The following HERPUD2 variants were observed in gnomAD, a reference collection of about 807,000 sequenced individuals.
The protein encoded by HERPUD2 is HERPUD family member 2.
A neutral mutation model predicts 49.9 loss-of-function variants in HERPUD2; 13 were observed. That is an observed-to-expected ratio of 0.26 (90% CI 0.17 to 0.41). The LOEUF is 0.41. HERPUD2 is among the 10% of genes least tolerant of loss of function. The pLI, the probability that HERPUD2 is intolerant of heterozygous loss-of-function variation, is 1.00. For synonymous variants in HERPUD2, 172 were observed against 171.4 expected, an observed-to-expected ratio of 1.00 and a Z score of -0.03; for missense variants, 449 against 492.2, an observed-to-expected ratio of 0.91 and a Z score of 0.83.
chr7:35,687,458 C>T (rs1786087888), intron 2 of HERPUD2, among the ~76,000 whole-genome samples: 1 of 152,212 alleles, frequency 6.6e-6, no homozygotes. Context: ...AGTGCAGAAT[C>T]AGCCAAATAA....
chr7:35,656,241 A>G (rs1785272582), intron 5 of HERPUD2, among the ~76,000 whole-genome samples: 1 of 152,110 alleles, frequency 6.6e-6, no homozygotes, highest in Admixed American at 6.6e-5. Context: ...AAAAAAATAC[A>G]ATAAAATACT....
chr7:35,645,335 T>G (rs10269107), intron 5 of HERPUD2, among the ~76,000 whole-genome samples: 46,628 of 152,076 alleles, frequency 0.31, 7,999 homozygotes, highest in Non-Finnish European at 0.38. Context: ...TAGTCATAGA[T>G]ACTCGGGAGG....
chr7:35,648,965 T>C (rs1281595348), intron 5 of HERPUD2, among the ~76,000 whole-genome samples: 1 of 152,138 alleles, frequency 6.6e-6, no homozygotes, highest in Non-Finnish European at 1.5e-5. Context: ...ATGTTGTGGA[T>C]TTATGGCCGG....
intron 5 of HERPUD2, among the ~76,000 whole-genome samples, chr7:35,642,330 G>C (rs1309946676): frequency 2.0e-5 from 3 of 152,214 alleles, no homozygotes; most frequent in African/African-American, 7.2e-5. Flanking sequence ...CAAGGTTGCA[G>C]AGAAAAGTGA....
At chr7:35,655,018 C>A (rs1343022451) in intron 5 of HERPUD2, among the ~76,000 whole-genome samples, 1 of 152,144 alleles carries the variant, frequency 6.6e-6, no homozygotes, top group Non-Finnish European at 1.5e-5. Context: ...CGACGCCCAG[C>A]TAATTTTTGC....
In HERPUD2 at chr7:35,686,729, A is replaced by C. The variant is rs1476048002; in HGVS notation, c.147+7455T>G. ...ACGACACTCCGTCTCAAAAAAAAAA[A>C]AAAAAAAAAAAAAAAACCAAACCCA... On this transcript the variant is annotated intron_variant, in intron 2 of 8. Coordinates refer to ENST00000311350, the MANE Select transcript of HERPUD2 (RefSeq NM_022373.5). Among the ~76,000 whole-genome samples, 3 of 104,606 alleles carry C rather than the reference A, an allele frequency of 2.9e-5. No individual in the cohort carries two copies. The East Asian group carries it at 1.1e-3, about 37-fold the overall frequency. 68.6% of individuals were successfully genotyped at this position (104,606 alleles called of 152,430 possible).
At chr7:35,649,815 A>T (rs1004907246) in intron 5 of HERPUD2, among the ~76,000 whole-genome samples, 8 of 152,208 alleles carry the variant, frequency 5.3e-5, no homozygotes, top group African/African-American at 1.9e-4. Flanking sequence ...AGTATTTCTT[A>T]TCAGACTTAA....
At chr7:35,680,341 C>T (rs183656611) in intron 2 of HERPUD2, among the ~76,000 whole-genome samples, 6 of 152,006 alleles carry the variant, frequency 3.9e-5, no homozygotes, top group East Asian at 1.9e-4. Flanking sequence ...CCCAGGAGTT[C>T]GAGGCTGCAG....
intron 5 of HERPUD2, among the ~76,000 whole-genome samples, chr7:35,652,498 C>T (rs1785187696): frequency 2.0e-5 from 3 of 152,084 alleles, no homozygotes; most frequent in African/African-American, 7.2e-5. Context: ...GCTTAGAACC[C>T]CCAGCAGACT....
chr7:35,657,459 C>CA (rs1785298799), intron 5 of HERPUD2, among the ~76,000 whole-genome samples: 1 of 151,782 alleles, frequency 6.6e-6, no homozygotes, highest in East Asian at 1.9e-4. Context: ...GGAGATTTCT[C>CA]AAAAAACTAA....
chr7:35,691,813 G>A (rs746550078), intron 2 of HERPUD2, among the ~76,000 whole-genome samples: 1 of 152,144 alleles, frequency 6.6e-6, no homozygotes, highest in Non-Finnish European at 1.5e-5. Context: ...CTATGCTGAG[G>A]ACTACCTATG....
At chr7:35,650,909 AG>A (rs985692788) in intron 5 of HERPUD2, among the ~76,000 whole-genome samples, 10 of 152,182 alleles carry the variant, frequency 6.6e-5, no homozygotes, top group Non-Finnish European at 1.3e-4. Context: ...AGATCAAGCC[AG>A]CCTGGCCCAG....
intron 5 of HERPUD2, among the ~76,000 whole-genome samples, chr7:35,658,972 T>C (rs1188427465): frequency 6.6e-6 from 1 of 152,220 alleles, no homozygotes; most frequent in Non-Finnish European, 1.5e-5. Context: ...AAACTAGTGA[T>C]TCAAAACCTC....
rs747326989 is a variant in HERPUD2 at position 35,638,437 on chromosome 7, G to A, written c.530C>T (p.Pro177Leu). ...VDNQFPGQAA[P>L]PGFPVYPAFS... ...CGCGGGATACACTGGGAATCCAGGT[G>A]GAGCAGCTTGCCCAGGAAATTGGTT... Residue 177 changes from proline (P) to leucine (L), a missense_variant, in exon 6 of 9, where the codon CCA becomes CTA. By Grantham distance (98) the Pro-to-Leu change is moderately conservative. Transcript: ENST00000311350. The A allele has an allele frequency of 3.7e-6, 6 of 1,613,546 alleles. No individual in the cohort carries two copies. In the South Asian group the frequency reaches 6.6e-5, roughly 18 times the overall value.
chr7:35,646,541 G>A (rs1263067176), intron 5 of HERPUD2, among the ~76,000 whole-genome samples: 3 of 152,066 alleles, frequency 2.0e-5, no homozygotes, highest in East Asian at 1.9e-4. Context: ...CAGCCTCATC[G>A]ACAGAGTGAG....
At chr7:35,636,790 T>C (rs934697712) in intron 6 of HERPUD2, among the ~76,000 whole-genome samples, 4 of 152,130 alleles carry the variant, frequency 2.6e-5, no homozygotes, top group African/African-American at 9.7e-5. Flanking sequence ...TCAGTGGATA[T>C]CTGGGTGGCT....
At chr7:35,643,959 T>C (rs1048106270) in intron 5 of HERPUD2, among the ~76,000 whole-genome samples, 2 of 151,940 alleles carry the variant, frequency 1.3e-5, no homozygotes, top group East Asian at 1.9e-4. Context: ...AAAAGAACAA[T>C]GAAAGTTTTA....
At chr7:35,670,680 A>G (rs1562681247) in intron 3 of HERPUD2, among the ~76,000 whole-genome samples, 3 of 152,132 alleles carry the variant, frequency 2.0e-5, no homozygotes, top group South Asian at 2.1e-4. Context: ...TACAGTTTAC[A>G]TATTTCCATC....
At position 35,695,033 on chromosome 7, in the gene HERPUD2, CG is replaced by C. The variant is rs35277341; in HGVS notation, c.-531del. ...CCTCAGTCTGGACAGCGCAGGGTGGCGGCAAGGCAGGGCTGGGCCGGGGGCG... is the reference window on the plus strand; with the variant it reads ...CCTCAGTCTGGACAGCGCAGGGTGGCGCAAGGCAGGGCTGGGCCGGGGGCG... On this transcript the variant is annotated 5_prime_UTR_variant, in exon 1 of 9. Coordinates refer to ENST00000311350, the MANE Select transcript of HERPUD2 (RefSeq NM_022373.5). 0.39 allele frequency: 59,762 copies of C among 152,212 alleles called. 12,185 individuals carry two copies. Among genetic ancestry groups the C allele is most frequent in the South Asian group, 0.56 (2,682 of 4,830 alleles). The allele number at this position is 152,212 out of a possible 1,614,324, so 9.4% of individuals were successfully genotyped here. A position where few individuals can be genotyped will look rare whatever the true frequency, so the allele number is the denominator to read the frequency against.
Sources: allele counts gnomAD v4.1 joint callset (sites outside exome capture counted in the v4.1 genomes callset), GRCh38; gene constraint gnomAD v4.1.1; transcripts MANE v1.5; gene names NCBI Gene and HGNC (gene_info 2026-07-23, HGNC 2026-07-21).